CHKA: variants seen among roughly 807,000 people sequenced by gnomAD.
The protein encoded by CHKA is CHETK-alpha.
A neutral mutation model predicts 60.1 loss-of-function variants in CHKA; 34 were observed. The observed-to-expected ratio is 0.57, with a 90% CI of 0.43 to 0.75. The LOEUF is 0.75. Ranked by LOEUF, CHKA falls within the 30% of genes least tolerant of loss-of-function variation. The probability of loss-of-function intolerance (pLI) is 0.00; values close to 1 mark genes in which losing one functional copy is unlikely to be tolerated. For missense variants in CHKA, 563 were observed against 561.3 expected (o/e 1.00, Z -0.03); for synonymous variants, 217 against 223.1 (o/e 0.97, Z 0.24).
chr11:68,121,252 C>A lies in CHKA; in HGVS notation c.-75G>T. Reference sequence around the variant, plus strand: ...AGGCTCAGAGTCCGGCCGGGCGCCCCCTCGCCGCTCTCTCACTGGCAGGCC... The same window carrying A: ...AGGCTCAGAGTCCGGCCGGGCGCCCACTCGCCGCTCTCTCACTGGCAGGCC... On this transcript the variant is annotated 5_prime_UTR_variant, in exon 1 of 12. Coordinates refer to ENST00000265689, the MANE Select transcript of CHKA (RefSeq NM_001277.3). 1 of 1,059,502 alleles carries A rather than the reference C, an allele frequency of 9.4e-7. No homozygotes were observed. Among genetic ancestry groups the A allele is most frequent in the South Asian group, 4.1e-5 (1 of 24,240 alleles). The allele number at this position is 1,059,502 out of a possible 1,614,324, so 65.6% of individuals were successfully genotyped here.
intron 2 of CHKA, among the ~76,000 whole-genome samples, chr11:68,093,888 C>T (rs968275966): frequency 2.0e-5 from 3 of 152,180 alleles, no homozygotes; most frequent in African/African-American, 7.2e-5. Flanking sequence ...AGTTCAACAG[C>T]CACACTTGCC....
chr11:68,082,752 G>T (rs911018866), intron 2 of CHKA, among the ~76,000 whole-genome samples: 1 of 152,124 alleles, frequency 6.6e-6, no homozygotes, highest in Admixed American at 6.5e-5. Context: ...GGCTCTTAAC[G>T]TTTGCACTGA....
chr11:68,100,577 C>T (rs192914817), intron 1 of CHKA, among the ~76,000 whole-genome samples: 143 of 146,034 alleles, frequency 9.8e-4, no homozygotes, highest in African/African-American at 3.0e-3. Flanking sequence ...GGGACAAGAA[C>T]GAAACATCAT....
At chr11:68,060,397 C>A (rs1856191435) in intron 11 of CHKA, among the ~76,000 whole-genome samples, 1 of 151,970 alleles carries the variant, frequency 6.6e-6, no homozygotes, top group Non-Finnish European at 1.5e-5. Flanking sequence ...GCAAACTCTG[C>A]CTCCCAGGTT....
chr11:68,084,020 G>A (rs996036701), intron 2 of CHKA, among the ~76,000 whole-genome samples: 4 of 152,116 alleles, frequency 2.6e-5, no homozygotes, highest in Admixed American at 6.5e-5. Flanking sequence ...TGAGGCAGGT[G>A]GATCATCTCA....
Position 68,121,052 on chromosome 11 carries a change from G to T in CHKA, c.126C>A (p.Asp42Glu). The T allele has an allele frequency of 9.0e-7, 1 of 1,113,246 alleles. No homozygotes were observed. 69.0% of individuals were successfully genotyped at this position (1,113,246 alleles called of 1,614,324 possible). The part of the protein sequence containing the change: ...GVGQQRDAAS[D>E]LESKQLGGQQ... ...GGCCGCCCAGCTGCTTGGACTCGAG[G>T]TCGCTGGCGGCGTCGCGCTGCTGCC... is the stretch of plus-strand genomic sequence containing the variant. The change falls in exon 1 of 12, where the codon GAC becomes GAA. Residue 42 changes from aspartate to glutamate, a missense_variant. Asp to Glu is a conservative substitution (Grantham distance 45). Coordinates refer to ENST00000265689, the MANE Select transcript of CHKA (RefSeq NM_001277.3).
rs370436517 is a variant in CHKA at position 68,070,760 on chromosome 11, T to C, written c.728A>G (p.Asn243Ser). ...ATFHGMKMPFNKEPKWLFGTM... is the reference protein window; with the variant it reads ...ATFHGMKMPFSKEPKWLFGTM... ...GCCAAAAAGCCATTTTGGTTCCTTA[T>C]TGAATGGCATTTTCATACCATGAAA... Residue 243 changes from asparagine (N) to serine (S), a missense_variant, in exon 5 of 12, where the codon AAT becomes AGT. Coordinates refer to ENST00000265689, the MANE Select transcript of CHKA (RefSeq NM_001277.3). 2.4e-5 allele frequency: 39 copies of C among 1,613,040 alleles called. No homozygotes were observed. Among genetic ancestry groups the C allele is most frequent in the Non-Finnish European group, 3.1e-5 (36 of 1,179,168 alleles).
intron 1 of CHKA, among the ~76,000 whole-genome samples, chr11:68,105,746 T>C (rs1287681687): frequency 1.3e-5 from 2 of 152,010 alleles, no homozygotes; most frequent in Admixed American, 6.6e-5. Flanking sequence ...ACCTGATAAA[T>C]TAAGATAAGA....
chr11:68,068,793 CTACCT>C (rs1354339481), intron 7 of CHKA, 81 bp downstream of exon 7: 2 of 855,386 alleles, frequency 2.3e-6, no homozygotes, highest in East Asian at 2.5e-5. Context: ...ACTCTTGATG[CTACCT>C]TACATTTTTC....
At position 68,121,103 on chromosome 11, in the gene CHKA, G is replaced by A; in HGVS notation, c.75C>T (p.Gly25=). 8.6e-7 allele frequency: 1 copy of A among 1,158,312 alleles called. No individual in the cohort carries two copies. Among genetic ancestry groups the A allele is most frequent in the South Asian group, 3.1e-5 (1 of 32,644 alleles). 71.8% of individuals were successfully genotyped at this position (1,158,312 alleles called of 1,614,324 possible). A position where few individuals can be genotyped will look rare whatever the true frequency, so the allele number is the denominator to read the frequency against. The change falls in exon 1 of 12, where the codon GGC becomes GGT. Residue 25 remains glycine, a synonymous_variant. Transcript: ENST00000265689. The part of the protein sequence containing the change: ...PLGLLLSCGS[G]SAAPAPGVGQ... The stretch of plus-strand genomic sequence containing the variant: ...CCACGCCGGGCGCCGGGGCCGCGCT[G>A]CCGCTACCGCAGCTCAGCAGCAGCC...
At chr11:68,106,268 C>T (rs1284699218) in intron 1 of CHKA, among the ~76,000 whole-genome samples, 2 of 152,168 alleles carry the variant, frequency 1.3e-5, no homozygotes, top group Admixed American at 1.3e-4. Flanking sequence ...CAGGCTAGGC[C>T]AAGCACAGTG....
intron 4 of CHKA, among the ~76,000 whole-genome samples, chr11:68,074,070 G>A (rs763525491): frequency 7.9e-5 from 12 of 152,154 alleles, no homozygotes; most frequent in Non-Finnish European, 1.5e-4. Flanking sequence ...GGGTGGGTGG[G>A]TAGAGGAACA....
chr11:68,065,216 CA>C (rs1347996281), intron 9 of CHKA, among the ~76,000 whole-genome samples: 10 of 152,136 alleles, frequency 6.6e-5, no homozygotes, highest in Non-Finnish European at 1.5e-4. Flanking sequence ...AAAGCAGAAT[CA>C]AGGCTGGGCT....
intron 2 of CHKA, among the ~76,000 whole-genome samples, chr11:68,086,415 G>A (rs1012377878): frequency 6.6e-6 from 1 of 152,188 alleles, no homozygotes; most frequent in Non-Finnish European, 1.5e-5. Context: ...ATGATTTTAG[G>A]ATTCAAAAAC....
Position 68,068,877 on chromosome 11 carries a change from AC to A in CHKA, c.928+1del. 1 of 1,604,978 alleles carries A rather than the reference AC, an allele frequency of 6.2e-7. No individual in the cohort carries two copies. The highest frequency in any genetic ancestry group is 8.5e-7 in the Non-Finnish European group (1 of 1,172,026). Reference sequence around the variant, plus strand: ...TCTGTAACAGAACATAGCAATTCTTACCTTCTTGACAGTCATTATGACAAAA... The same window carrying A: ...TCTGTAACAGAACATAGCAATTCTTACTTCTTGACAGTCATTATGACAAAA... On this transcript the variant is annotated splice_donor_variant, in intron 7 of 11. Transcript: ENST00000265689. LOFTEE classifies it high-confidence loss of function.
intron 3 of CHKA, among the ~76,000 whole-genome samples, chr11:68,077,165 G>A (rs1388087877): frequency 6.6e-6 from 1 of 151,408 alleles, no homozygotes; most frequent in African/African-American, 2.4e-5. Flanking sequence ...GCCTGAACAT[G>A]GGAGGCAGAG....
intron 9 of CHKA, among the ~76,000 whole-genome samples, chr11:68,065,523 A>T (rs763567435): frequency 1.2e-4 from 18 of 152,074 alleles, no homozygotes; most frequent in Admixed American, 2.6e-4. Context: ...AACTTGGTGA[A>T]ATCCCATCTC....
rs552445636 is a variant in CHKA at position 68,095,797 on chromosome 11, C to T, written c.462+1222G>A. Among the ~76,000 whole-genome samples, 423 of 149,490 alleles carry T rather than the reference C, an allele frequency of 2.8e-3. 1 individual carries two copies. Among genetic ancestry groups the T allele is most frequent in the African/African-American group, 9.1e-3 (371 of 40,608 alleles). On this transcript the variant is annotated intron_variant, in intron 2 of 11. Transcript: ENST00000265689. ...TGGCTCACACCTGTAATCCCAGCAC[C>T]GCGAGAGGGTGAGGCGGGCAGATCA...
intron 1 of CHKA, among the ~76,000 whole-genome samples, chr11:68,102,638 T>A (rs1857769589): frequency 6.6e-6 from 1 of 152,150 alleles, no homozygotes; most frequent in African/African-American, 2.4e-5. Context: ...GACCTTGGTC[T>A]GAGCCAGGAA....
Sources: gnomAD v4.1 joint callset for allele counts (sites outside exome capture counted in the v4.1 genomes callset) on GRCh38, gnomAD v4.1.1 for gene constraint, MANE v1.5 for transcripts, NCBI Gene and HGNC (gene_info 2026-07-23, HGNC 2026-07-21) for gene names.